The following ASAP1 variants were observed in gnomAD, a reference collection of about 807,000 sequenced individuals.
ASAP1 encodes the protein ArfGAP with SH3 domain, ankyrin repeat and PH domain 1.
A neutral mutation model predicts 145.2 loss-of-function variants in ASAP1; 43 were observed. The observed-to-expected ratio is 0.30, with a 90% CI of 0.23 to 0.38. ASAP1 has a LOEUF of 0.38. Ranked by LOEUF, ASAP1 falls within the 10% of genes least tolerant of loss-of-function variation. The probability of loss-of-function intolerance (pLI) is 1.00; values close to 1 mark genes in which losing one functional copy is unlikely to be tolerated. For synonymous variants in ASAP1, 546 were observed against 515.5 expected, an observed-to-expected ratio of 1.06 and a Z score of -0.80; for missense variants, 1,018 against 1,355.3, an observed-to-expected ratio of 0.75 and a Z score of 3.91.
At chr8:130,328,312 G>A (rs1373665658) in intron 3 of ASAP1, among the ~76,000 whole-genome samples, 1 of 152,182 alleles carries the variant, frequency 6.6e-6, no homozygotes, top group Non-Finnish European at 1.5e-5. Flanking sequence ...CTTAACCACT[G>A]TGACAAATAA....
At chr8:130,059,343 T>C (rs907271388) in intron 28 of ASAP1, among the ~76,000 whole-genome samples, 2 of 152,130 alleles carry the variant, frequency 1.3e-5, no homozygotes, top group African/African-American at 4.8e-5. Context: ...AATTTTTATT[T>C]TTTATAGAGA....
At chr8:130,349,884 T>C (rs972310346) in intron 3 of ASAP1, among the ~76,000 whole-genome samples, 3 of 152,180 alleles carry the variant, frequency 2.0e-5, no homozygotes, top group African/African-American at 7.2e-5. Flanking sequence ...AGACATGAAG[T>C]GTAGCCCCAA....
rs1490040965 is a variant in ASAP1, at chr8:130,052,215, A to G, written c.*2516T>C. 1 of 152,696 alleles carries G rather than the reference A, an allele frequency of 6.5e-6. No individual in the cohort carries two copies. The highest frequency in any genetic ancestry group is 1.5e-5 in the Non-Finnish European group (1 of 68,050). 9.5% of individuals were successfully genotyped at this position (152,696 alleles called of 1,614,324 possible). ...TGTCACATTAAACACATGTGAAATG[A>G]CAAGTGTACTGATGTTTGATGGTAA... On this transcript the variant is annotated 3_prime_UTR_variant, in exon 30 of 30. Coordinates refer to ENST00000518721, the MANE Select transcript of ASAP1 (RefSeq NM_018482.4).
At chr8:130,080,482 T>C (rs2097476868) in intron 25 of ASAP1, among the ~76,000 whole-genome samples, 1 of 149,998 alleles carries the variant, frequency 6.7e-6, no homozygotes, top group East Asian at 1.9e-4. Context: ...CTCTCTCTTT[T>C]TTTTTTTTTT....
chr8:130,082,159 T>C (rs1420477744), intron 25 of ASAP1, among the ~76,000 whole-genome samples: 2 of 152,166 alleles, frequency 1.3e-5, no homozygotes, highest in Non-Finnish European at 2.9e-5. Context: ...TGTAATTCTA[T>C]GATATTGATA....
At chr8:130,388,601 T>C (rs1451210515) in intron 2 of ASAP1, among the ~76,000 whole-genome samples, 1 of 152,088 alleles carries the variant, frequency 6.6e-6, no homozygotes, top group Non-Finnish European at 1.5e-5. Flanking sequence ...TAGAGGTAAG[T>C]TGGAGCAAGG....
intron 5 of ASAP1, among the ~76,000 whole-genome samples, chr8:130,198,649 G>T (rs543775672): frequency 2.6e-5 from 4 of 152,288 alleles, no homozygotes; most frequent in Admixed American, 1.3e-4. Flanking sequence ...TGTAAGATGG[G>T]TCTTAGTCTC....
intron 3 of ASAP1, among the ~76,000 whole-genome samples, chr8:130,337,238 G>A (rs1482856568): frequency 3.3e-5 from 5 of 152,158 alleles, no homozygotes; most frequent in Non-Finnish European, 5.9e-5. Flanking sequence ...TTTGATTTAG[G>A]ATCTGCTTAC....
intron 27 of ASAP1, among the ~76,000 whole-genome samples, chr8:130,071,009 GGGGAGAGA>G (rs2097444838): frequency 1.4e-4 from 1 of 7,008 alleles, no homozygotes; most frequent in Non-Finnish European, 2.3e-4. Flanking sequence ...GAGGGGAGGG[GGGGAGAGA>G]GAGAGAGAGA....
At chr8:130,058,104 GA>G (rs1449042189) in intron 28 of ASAP1, 28 bp from the exon 29 acceptor site, 1 of 1,609,194 alleles carries the variant, frequency 6.2e-7, no homozygotes, top group Non-Finnish European at 8.5e-7. Context: ...GGTTTTAATT[GA>G]AAGAATGGAC....
At position 130,358,539 on chromosome 8, in the gene ASAP1, C is replaced by A. The variant is rs1826497403; in HGVS notation, c.60-396G>T. Among the ~76,000 whole-genome samples, 1 of 147,222 alleles carries A rather than the reference C, an allele frequency of 6.8e-6. No individual in the cohort carries two copies. ...GCGTGCGCGGGCTGGGCGGCTGGGG[C>A]GCCCGGCGCTGCCTCCTCAGACGCG... is the stretch of plus-strand genomic sequence containing the variant. On this transcript the variant is annotated intron_variant, in intron 2 of 29. Transcript: ENST00000518721. This position sits in a 1 kb window ranked among gnomAD's most constrained non-coding sequence, Gnocchi z 4.1.
intron 25 of ASAP1, among the ~76,000 whole-genome samples, chr8:130,090,303 A>C (rs2135410120): frequency 6.6e-6 from 1 of 152,218 alleles, no homozygotes; most frequent in East Asian, 1.9e-4. Flanking sequence ...AACTTAAGAG[A>C]AATTTGGAAA....
intron 13 of ASAP1, among the ~76,000 whole-genome samples, chr8:130,138,128 A>G (rs2097599627): frequency 6.6e-6 from 1 of 152,208 alleles, no homozygotes; most frequent in African/African-American, 2.4e-5. Context: ...TCACATCAGT[A>G]AGCCTGAAAC....
At chr8:130,286,507 A>C (rs974380854) in intron 3 of ASAP1, among the ~76,000 whole-genome samples, 1 of 152,194 alleles carries the variant, frequency 6.6e-6, no homozygotes, top group African/African-American at 2.4e-5. Context: ...AGGGTGTCTG[A>C]AGGCCAGAAT....
chr8:130,170,908 G>A (rs1467385774), intron 9 of ASAP1, among the ~76,000 whole-genome samples: 5 of 151,972 alleles, frequency 3.3e-5, no homozygotes, highest in Admixed American at 2.6e-4. Flanking sequence ...TAAAGATAAG[G>A]TTTTGCCACA....
intron 2 of ASAP1, among the ~76,000 whole-genome samples, chr8:130,364,063 AATT>A (rs1156992382): frequency 3.9e-5 from 6 of 152,102 alleles, no homozygotes; most frequent in Non-Finnish European, 7.3e-5. Context: ...TAATAATAAT[AATT>A]AAAAAAAGCC....
At chr8:130,181,507 C>T (rs1814356004) in intron 7 of ASAP1, among the ~76,000 whole-genome samples, 1 of 152,158 alleles carries the variant, frequency 6.6e-6, no homozygotes, top group Non-Finnish European at 1.5e-5. Context: ...TGTGGGTATG[C>T]ACAAAATTTA....
chr8:130,296,297 G>A (rs1351092668), intron 3 of ASAP1, among the ~76,000 whole-genome samples: 1 of 152,164 alleles, frequency 6.6e-6, no homozygotes, highest in Non-Finnish European at 1.5e-5. Flanking sequence ...TTGCATTTGG[G>A]TGCTTCTCTG....
intron 1 of ASAP1, among the ~76,000 whole-genome samples, chr8:130,404,257 T>C (rs898096731): frequency 6.6e-6 from 1 of 152,206 alleles, no homozygotes; most frequent in African/African-American, 2.4e-5. Flanking sequence ...AGCAATTGAA[T>C]CTTCCTGAGC....
Sources: gnomAD v4.1 joint callset for allele counts (sites outside exome capture counted in the v4.1 genomes callset) on GRCh38, gnomAD v4.1.1 for gene constraint, Gnocchi (gnomAD v3.1) non-coding constraint, MANE v1.5 for transcripts, NCBI Gene and HGNC (gene_info 2026-07-23, HGNC 2026-07-21) for gene names.